The following VPS41 variants were observed in gnomAD, a reference collection of about 807,000 sequenced individuals.
VPS41 encodes vacuolar protein sorting-associated protein 41 homolog.
In VPS41, 85 loss-of-function variants were observed where a neutral mutation model predicts 130.9. The ratio of observed to expected loss-of-function variants is 0.65; its 90% CI spans 0.55 to 0.78. The LOEUF (loss-of-function observed/expected upper bound fraction) is 0.78. Among genes scored for constraint, VPS41 ranks in the 30% least tolerant of loss-of-function variants. VPS41 has a pLI of 0.00. For synonymous variants in VPS41, 335 were observed against 332.9 expected, an observed-to-expected ratio of 1.01 and a Z score of -0.07; for missense variants, 874 against 1,018.7, an observed-to-expected ratio of 0.86 and a Z score of 1.93.
At position 38,737,427 on chromosome 7, in the gene VPS41, G is replaced by C. The variant is rs186622537; in HGVS notation, c.2259+4558C>G. 1.1e-4 allele frequency among the ~76,000 whole-genome samples: 16 copies of C among 152,232 alleles called. 1 individual carries two copies. The East Asian group carries it at 3.1e-3, about 29-fold the overall frequency. On this transcript the variant is annotated intron_variant, in intron 25 of 28. Coordinates refer to ENST00000310301, the MANE Select transcript of VPS41 (RefSeq NM_014396.4). ...CTTCATAACCCTAGTCTTGGTCATA[G>C]ATACAGACAAAATAAAACATAAATC...
intron 7 of VPS41, among the ~76,000 whole-genome samples, chr7:38,799,625 G>C (rs1254798326): frequency 2.0e-5 from 3 of 152,108 alleles, no homozygotes; most frequent in African/African-American, 7.2e-5. Flanking sequence ...AAGAGCTTAA[G>C]TCTCATTAAA....
chr7:38,856,589 A>G (rs959699097), intron 4 of VPS41, among the ~76,000 whole-genome samples: 2 of 152,204 alleles, frequency 1.3e-5, no homozygotes, highest in Non-Finnish European at 2.9e-5. Flanking sequence ...CTTACTGGAT[A>G]CCAAACGGCA....
chr7:38,824,947 C>T (rs761376589), intron 5 of VPS41, among the ~76,000 whole-genome samples: 4 of 152,054 alleles, frequency 2.6e-5, no homozygotes, highest in Non-Finnish European at 4.4e-5. Flanking sequence ...GGATGTAATG[C>T]TGAAAATTAA....
At chr7:38,806,095 A>G (rs777175671) in intron 7 of VPS41, among the ~76,000 whole-genome samples, 2 of 152,248 alleles carry the variant, frequency 1.3e-5, no homozygotes, top group Non-Finnish European at 2.9e-5. Context: ...TATAAAATAG[A>G]AAAATGGAGT....
intron 4 of VPS41, among the ~76,000 whole-genome samples, chr7:38,847,605 A>G (rs1316324627): frequency 6.6e-6 from 1 of 152,208 alleles, no homozygotes; most frequent in Non-Finnish European, 1.5e-5. Flanking sequence ...ACCTTTGAGA[A>G]CAAACTCCAC....
chr7:38,823,644 T>G (rs867557283), intron 5 of VPS41, among the ~76,000 whole-genome samples: 3 of 152,196 alleles, frequency 2.0e-5, no homozygotes, highest in Admixed American at 2.0e-4. Flanking sequence ...GGGAAATAGA[T>G]TCATGCATTA....
chr7:38,850,484 C>T (rs1264203257), intron 4 of VPS41, among the ~76,000 whole-genome samples: 1 of 152,062 alleles, frequency 6.6e-6, no homozygotes, highest in Non-Finnish European at 1.5e-5. Flanking sequence ...TCTAATTAAG[C>T]TTTTAAATAA....
chr7:38,895,474 C>A (rs1786964408), intron 2 of VPS41, among the ~76,000 whole-genome samples: 3 of 152,006 alleles, frequency 2.0e-5, no homozygotes, highest in Non-Finnish European at 4.4e-5. Flanking sequence ...TTTCTTTCTT[C>A]CTATAGTAGC....
At chr7:38,901,826 A>T (rs1562630333) in intron 1 of VPS41, among the ~76,000 whole-genome samples, 1 of 152,158 alleles carries the variant, frequency 6.6e-6, no homozygotes, top group African/African-American at 2.4e-5. Flanking sequence ...AAGGCCAGGG[A>T]ATTTGAGACC....
rs143097771 is a variant in VPS41 at position 38,728,753 on chromosome 7, A to G, written c.2298T>C (p.Ala766=). 1 of 1,614,112 alleles carries G rather than the reference A, an allele frequency of 6.2e-7. No individual in the cohort carries two copies. Among genetic ancestry groups the G allele is most frequent in the African/African-American group, 1.3e-5 (1 of 74,956 alleles). Residue 766 remains alanine, a synonymous_variant, in exon 26 of 29, where the codon GCT becomes GCC. Transcript: ENST00000310301. Reference sequence around the variant, plus strand: ...TTTTCTTCAGTAAGGACAAAGAGTCAGCTACGAGAATCTTCTTGCAGCCTT... The same window carrying G: ...TTTTCTTCAGTAAGGACAAAGAGTCGGCTACGAGAATCTTCTTGCAGCCTT... ...LREGCKKILV[A]DSLSLLKKMH... is the part of the protein sequence containing the mutation.
At chr7:38,867,124 T>TA (rs1786245787) in intron 3 of VPS41, among the ~76,000 whole-genome samples, 1 of 152,204 alleles carries the variant, frequency 6.6e-6, no homozygotes, top group Non-Finnish European at 1.5e-5. Flanking sequence ...TCTATATAGA[T>TA]ACGAGGTAGA....
chr7:38,862,427 G>A, intron 4 of VPS41, 118 bp downstream of exon 4: 2 of 590,114 alleles, frequency 3.4e-6, no homozygotes, highest in Non-Finnish European at 5.8e-6. Context: ...TTAGCACTCT[G>A]ATTGAATTAA....
chr7:38,728,081 A>C (rs1795583202), intron 27 of VPS41, among the ~76,000 whole-genome samples: 1 of 152,206 alleles, frequency 6.6e-6, no homozygotes, highest in Non-Finnish European at 1.5e-5. Flanking sequence ...GCTACCTATA[A>C]ATTTTTTTTC....
At position 38,726,214 on chromosome 7, in the gene VPS41, TG is replaced by T; in HGVS notation, c.*31del. On this transcript the variant is annotated 3_prime_UTR_variant, in exon 29 of 29. Transcript: ENST00000310301. ...GTTGCAAAAACAGTCTCAAAAAGAG[TG>T]GTGACAAGGAGACTGACAAGGAGAA... is the stretch of plus-strand genomic sequence containing the variant. The T allele has an allele frequency of 6.8e-7, 1 of 1,467,700 alleles. No homozygotes were observed. The highest frequency in any genetic ancestry group is 9.5e-7 in the Non-Finnish European group (1 of 1,047,156). The allele number at this position is 1,467,700 out of a possible 1,614,324, so 90.9% of individuals were successfully genotyped here.
At position 38,796,791 on chromosome 7, in the gene VPS41, C is replaced by A. The variant is rs781235296; in HGVS notation, c.524G>T (p.Arg175Met). 3.1e-6 allele frequency: 5 copies of A among 1,613,900 alleles called. No homozygotes were observed. The highest frequency in any genetic ancestry group is 4.2e-6 in the Non-Finnish European group (5 of 1,179,914). Residue 175 changes from arginine to methionine, a missense_variant, in exon 8 of 29, where the codon AGG (arginine) becomes ATG (methionine). Transcript: ENST00000310301. ...CAGATGGCCTCTCCACTTCACACTCCTTATGTTCCCTTCCCCTTCATGCAG... is the reference window on the plus strand; with the variant it reads ...CAGATGGCCTCTCCACTTCACACTCATTATGTTCCCTTCCCCTTCATGCAG... The part of the protein sequence containing the change: ...AVLHEGEGNI[R>M]SVKWRGHLIA...
intron 12 of VPS41, 100 bp downstream of exon 12, chr7:38,774,014 AT>A (rs1313643058): frequency 8.3e-7 from 1 of 1,204,634 alleles, no homozygotes; most frequent in African/African-American, 1.5e-5. Context: ...TTCTCTTAAG[AT>A]TCTTTCAGCA....
intron 2 of VPS41, among the ~76,000 whole-genome samples, chr7:38,873,837 G>C (rs1210705977): frequency 6.6e-6 from 1 of 152,052 alleles, no homozygotes; most frequent in Non-Finnish European, 1.5e-5. Flanking sequence ...TCACATCATG[G>C]TCAATCTTAC....
chr7:38,874,652 T>C (rs886189820), intron 2 of VPS41, among the ~76,000 whole-genome samples: 5 of 152,102 alleles, frequency 3.3e-5, no homozygotes, highest in South Asian at 4.1e-4. Flanking sequence ...AACACTAATA[T>C]CCTCAAAAGA....
chr7:38,819,209 T>C (rs548612567), intron 6 of VPS41, among the ~76,000 whole-genome samples: 4 of 152,344 alleles, frequency 2.6e-5, no homozygotes, highest in African/African-American at 9.6e-5. Flanking sequence ...TCCTTCACTG[T>C]CTAACTTGCA....
Sources: gnomAD v4.1 joint callset for allele counts (sites outside exome capture counted in the v4.1 genomes callset) on GRCh38, gnomAD v4.1.1 for gene constraint, MANE v1.5 for transcripts, NCBI Gene and HGNC (gene_info 2026-07-23, HGNC 2026-07-21) for gene names.